The following NRG1 variants were observed in gnomAD, a reference collection of about 807,000 sequenced individuals.
NRG1 encodes the protein pro-neuregulin-1, membrane-bound isoform.
Under a neutral mutation model 63.8 loss-of-function variants are expected in NRG1, and 18 were observed. The ratio of observed to expected loss-of-function variants is 0.28; its 90% CI spans 0.19 to 0.42. The LOEUF is 0.42. Among genes scored for constraint, NRG1 ranks in the 10% least tolerant of loss-of-function variants. The pLI is 1.00. For synonymous variants in NRG1, 302 were observed against 301.3 expected (o/e 1.00, Z -0.02); for missense variants, 762 against 814.7 (o/e 0.94, Z 0.79).
intron 1 of NRG1, among the ~76,000 whole-genome samples, chr8:32,493,388 T>A (rs1354568255): frequency 6.6e-6 from 1 of 152,094 alleles, no homozygotes; most frequent in African/African-American, 2.4e-5. Flanking sequence ...ATAACAAACT[T>A]CAGATGACCC....
In NRG1 at chr8:31,640,425, G is replaced by A. The variant is rs1803633344; in HGVS notation, c.37+994G>A. On this transcript the variant is annotated intron_variant, in intron 1 of 10. Transcript: ENST00000519301. This position sits in a 1 kb window ranked among gnomAD's most constrained non-coding sequence, Gnocchi z 6.3. ...CCGTGCCCTCTTGGCCCACCGCCCC[G>A]GTGCCCAGCGCCGGCGAGCCCGGGG... 3 of 1,501,602 alleles carry A rather than the reference G, an allele frequency of 2.0e-6. No homozygotes were observed. Among genetic ancestry groups the A allele is most frequent in the South Asian group, 1.3e-5 (1 of 79,122 alleles). 93.0% of individuals were successfully genotyped at this position (1,501,602 alleles called of 1,614,324 possible).
At chr8:31,846,069 G>C (rs1826660231) in intron 1 of NRG1, among the ~76,000 whole-genome samples, 1 of 152,116 alleles carries the variant, frequency 6.6e-6, no homozygotes, top group East Asian at 1.9e-4. Context: ...TGAAACCAAG[G>C]CAAGTCAAGC....
intron 1 of NRG1, chr8:32,136,622 G>A (rs1268834687): frequency 2.0e-5 from 3 of 152,156 alleles, no homozygotes; most frequent in African/African-American, 4.8e-5. Context: ...TTATGCCTTA[G>A]ATATTTAATA....
chr8:32,071,806 C>A (rs1825793745), intron 1 of NRG1, among the ~76,000 whole-genome samples: 2 of 152,148 alleles, frequency 1.3e-5, no homozygotes, highest in Non-Finnish European at 2.9e-5. Context: ...AGCTCTGTTG[C>A]TTACAAGCTA....
At chr8:31,771,439 G>C (rs571715283) in intron 1 of NRG1, among the ~76,000 whole-genome samples, 1 of 151,900 alleles carries the variant, frequency 6.6e-6, no homozygotes, top group African/African-American at 2.4e-5. Context: ...ATATTTTACT[G>C]TTTTTTCCTA....
In NRG1 at chr8:32,640,620, GCACACACACACA is replaced by G. The variant is rs58796067; in HGVS notation, c.502+23766_502+23777del. Among the ~76,000 whole-genome samples the G allele has an allele frequency of 7.9e-4, 104 of 132,290 alleles. 1 individual carries two copies. Among genetic ancestry groups the G allele is most frequent in the African/African-American group, 2.0e-3 (70 of 35,272 alleles). 86.8% of individuals were successfully genotyped at this position (132,290 alleles called of 152,430 possible). A position where few individuals can be genotyped will look rare whatever the true frequency, so the allele number is the denominator to read the frequency against. On this transcript the variant is annotated intron_variant, in intron 5 of 11. Transcript: ENST00000356819. ...CCTTCATCCCAAAGATCTCAGACCC[GCACACACACACA>G]CACACACACACACACACACACACAC...
intron 1 of NRG1, among the ~76,000 whole-genome samples, chr8:32,307,017 TC>T (rs1401915388): frequency 1.3e-5 from 2 of 152,202 alleles, no homozygotes; most frequent in Non-Finnish European, 2.9e-5. Context: ...AAGGAGGTTG[TC>T]CAGATATCCT....
intron 1 of NRG1, among the ~76,000 whole-genome samples, chr8:31,953,602 GAGA>G (rs1364370953): frequency 6.6e-6 from 1 of 152,130 alleles, no homozygotes; most frequent in African/African-American, 2.4e-5. Context: ...ATCATCCTAG[GAGA>G]AAGAGTAGTT....
At chr8:32,252,809 G>A (rs1217522501) in intron 1 of NRG1, among the ~76,000 whole-genome samples, 1 of 152,128 alleles carries the variant, frequency 6.6e-6, no homozygotes, top group Non-Finnish European at 1.5e-5. Context: ...TCATGATATT[G>A]ATTCTTCCTA....
At chr8:32,333,544 A>C (rs866907977) in intron 1 of NRG1, among the ~76,000 whole-genome samples, 53 of 152,170 alleles carry the variant, frequency 3.5e-4, no homozygotes, top group African/African-American at 1.2e-3. Context: ...TTATGCATGG[A>C]TATGGTCTTG....
chr8:32,612,508 C>A (rs941348521), intron 3 of NRG1, among the ~76,000 whole-genome samples: 4 of 151,944 alleles, frequency 2.6e-5, no homozygotes, highest in African/African-American at 9.7e-5. Context: ...AAGATAAATA[C>A]CTGATTTTAG....
chr8:31,686,259 A>AC lies in NRG1; in HGVS notation c.37+46829dup, dbSNP rs772918857. ...TGTTTTTGAACACAGCAGCTTACAG[A>AC]CTGCTATTCTACATCACAGTTTATC... On this transcript the variant is annotated intron_variant, in intron 1 of 10. Transcript: ENST00000519301. Among the ~76,000 whole-genome samples, 219 of 152,304 alleles carry AC rather than the reference A, an allele frequency of 1.4e-3. 1 individual carries two copies. Among genetic ancestry groups the AC allele is most frequent in the Middle Eastern group, 6.8e-3 (2 of 294 alleles).
At chr8:32,524,391 T>C (rs2129509118) in intron 1 of NRG1, among the ~76,000 whole-genome samples, 1 of 152,318 alleles carries the variant, frequency 6.6e-6, no homozygotes, top group East Asian at 1.9e-4. Flanking sequence ...CAAATTCCCC[T>C]GATTTCTTCC....
chr8:32,131,962 G>A (rs1028063628), intron 1 of NRG1, among the ~76,000 whole-genome samples: 6 of 151,938 alleles, frequency 3.9e-5, no homozygotes, highest in Non-Finnish European at 7.4e-5. Context: ...TGATTAAAGG[G>A]CACTAAAAGA....
At chr8:32,626,199 G>A (rs963989885) in intron 5 of NRG1, among the ~76,000 whole-genome samples, 14 of 150,118 alleles carry the variant, frequency 9.3e-5, no homozygotes, top group African/African-American at 3.5e-4. Context: ...GGAAGTGGGA[G>A]GTGGGAGGTG....
At chr8:32,584,529 G>A (rs1311610636) in intron 1 of NRG1, among the ~76,000 whole-genome samples, 1 of 152,136 alleles carries the variant, frequency 6.6e-6, no homozygotes, top group East Asian at 1.9e-4. Flanking sequence ...AGGCCTCAAC[G>A]AGTAAAGAAG....
At chr8:32,763,554 G>A (rs892049083) in intron 11 of NRG1, among the ~76,000 whole-genome samples, 194 bp from the exon 12 acceptor site, 5 of 152,172 alleles carry the variant, frequency 3.3e-5, no homozygotes, top group Non-Finnish European at 5.9e-5. Flanking sequence ...GCACTCCTGT[G>A]AGGAAACTCT....
chr8:31,848,529 G>A (rs888705172), intron 1 of NRG1, among the ~76,000 whole-genome samples: 11 of 143,730 alleles, frequency 7.7e-5, no homozygotes, highest in East Asian at 1.9e-4. Context: ...ATCAGTTCAC[G>A]GTCTGTTAGG....
chr8:32,133,654 G>A (rs117397601), intron 1 of NRG1, among the ~76,000 whole-genome samples: 2,604 of 152,060 alleles, frequency 0.017, 38 homozygotes, highest in Middle Eastern at 0.037. Context: ...TGCTTCATAC[G>A]AAAACTAGAT....
Sources: allele counts gnomAD v4.1 joint callset (sites outside exome capture counted in the v4.1 genomes callset), GRCh38; gene constraint gnomAD v4.1.1; non-coding constraint Gnocchi (gnomAD v3.1); transcripts MANE v1.5; gene names NCBI Gene and HGNC (gene_info 2026-07-23, HGNC 2026-07-21).